The following POF1B variants were observed in gnomAD, a reference collection of about 807,000 sequenced individuals.
POF1B encodes protein POF1B.
A neutral mutation model predicts 55.3 loss-of-function variants in POF1B; 53 were observed. The observed-to-expected ratio is 0.96, with a 90% CI of 0.77 to 1.20. The LOEUF is 1.20. Among genes scored for constraint, POF1B ranks in the 50% most tolerant of loss-of-function variants. The pLI is 0.00. For missense variants in POF1B, 478 were observed against 420.5 expected (o/e 1.14, Z -1.20); for synonymous variants, 188 against 148.3 (o/e 1.27, Z -1.95).
At chrX:85,299,672 T>A (rs1360971881) in intron 15 of POF1B, among the ~76,000 whole-genome samples, 1 of 91,237 alleles carries the variant, frequency 1.1e-5, no homozygotes, top group Admixed American at 1.2e-4. Context: ...GCCTGGCTAA[T>A]TTTTTTTTTG....
At chrX:85,294,864 T>G (rs1218154765) in intron 15 of POF1B, among the ~76,000 whole-genome samples, 2 of 111,595 alleles carry the variant, frequency 1.8e-5, no homozygotes, top group Admixed American at 1.9e-4. Flanking sequence ...TTTGTTGTTG[T>G]CTTGTAGGAG....
intron 7 of POF1B, among the ~76,000 whole-genome samples, chrX:85,329,630 GT>G (rs757217839): frequency 0.01 from 942 of 93,668 alleles, 7 homozygotes; most frequent in African/African-American, 0.038. Context: ...GGTGGTGGTC[GT>G]TTTTTTTTTT....
chrX:85,377,846 G>C (rs1171005635), intron 2 of POF1B, among the ~76,000 whole-genome samples: 3 of 111,911 alleles, frequency 2.7e-5, no homozygotes, highest in African/African-American at 6.5e-5. Flanking sequence ...TCAAATTTCA[G>C]CTTTTAAATA....
At chrX:85,361,955 C>CGTGT (rs3049233) in intron 3 of POF1B, among the ~76,000 whole-genome samples, 1,020 of 94,256 alleles carry the variant, frequency 0.011, 2 homozygotes, top group African/African-American at 0.018. Context: ...CTAGGTATTT[C>CGTGT]GTGTGTGTGT....
intron 4 of POF1B, among the ~76,000 whole-genome samples, chrX:85,352,403 T>G (rs1221924516): frequency 9.0e-6 from 1 of 111,570 alleles, no homozygotes; most frequent in Non-Finnish European, 1.9e-5. Flanking sequence ...CAACAAAATG[T>G]ACTAGGATTT....
chrX:85,295,518 A>C (rs1932290401), intron 15 of POF1B, among the ~76,000 whole-genome samples: 1 of 111,622 alleles, frequency 9.0e-6, no homozygotes, highest in Admixed American at 9.5e-5. Flanking sequence ...TTTAATTTCC[A>C]TGTAATTGTG....
intron 14 of POF1B, 80 bp from the exon 15 acceptor site, chrX:85,303,568 G>T (rs192163145): frequency 5.9e-6 from 4 of 682,396 alleles, no homozygotes; most frequent in Non-Finnish European, 4.4e-6. Context: ...ATTTAGAAGG[G>T]TTACTAACAA....
chrX:85,328,085 T>G (rs369323035), intron 7 of POF1B, among the ~76,000 whole-genome samples: 1 of 111,156 alleles, frequency 9.0e-6, no homozygotes, highest in Non-Finnish European at 1.9e-5. Context: ...GGAGTATATC[T>G]CTATTCAACA....
chrX:85,309,026 A>C (rs1932638599), intron 9 of POF1B, among the ~76,000 whole-genome samples: 1 of 111,625 alleles, frequency 9.0e-6, no homozygotes, highest in African/African-American at 3.3e-5. Flanking sequence ...GATTATTCTT[A>C]TTTCTTTAAA....
chrX:85,299,702 G>T (rs1202230202), intron 15 of POF1B, among the ~76,000 whole-genome samples: 5 of 107,265 alleles, frequency 4.7e-5, no homozygotes, highest in African/African-American at 1.7e-4. Flanking sequence ...TAGAGACGGG[G>T]TTTCACCATG....
At chrX:85,345,436 T>C (rs1933250774) in intron 6 of POF1B, among the ~76,000 whole-genome samples, 1 of 111,526 alleles carries the variant, frequency 9.0e-6, no homozygotes, top group African/African-American at 3.3e-5. Context: ...ACAGAAAATA[T>C]GTATATATTC....
chrX:85,344,507 G>A (rs1349578812), intron 6 of POF1B, among the ~76,000 whole-genome samples: 1 of 110,695 alleles, frequency 9.0e-6, no homozygotes, highest in Non-Finnish European at 1.9e-5. Flanking sequence ...TTATGTGCCT[G>A]CCACTTTCCC....
In POF1B at chrX:85,304,434, C is replaced by A. The variant is rs929247482; in HGVS notation, c.1475G>T (p.Arg492Ile). 8.5e-7 allele frequency: 1 copy of A among 1,181,540 alleles called. No individual in the cohort carries two copies. Among genetic ancestry groups the A allele is most frequent in the Non-Finnish European group, 1.1e-6 (1 of 876,731 alleles). Residue 492 changes from arginine to isoleucine, a missense_variant, in exon 14 of 17, where the codon AGA becomes ATA. Arg to Ile is a moderately conservative substitution (Grantham distance 97, BLOSUM62 -3). Transcript: ENST00000262753. ...LNQYHKDVSKREGSCSDFQFK... is the reference protein window; with the variant it reads ...LNQYHKDVSKIEGSCSDFQFK... ...TTGGAAGTCACTACAACTTCCTTCT[C>A]TCTTTGAAACATCTTTATGGTACTG...
intron 6 of POF1B, among the ~76,000 whole-genome samples, chrX:85,336,001 C>T (rs1055771624): frequency 4.5e-5 from 5 of 109,986 alleles, no homozygotes; most frequent in Admixed American, 3.9e-4. Context: ...CTCTCACCCC[C>T]GCCCCACTAA....
rs1294817848 is a variant in POF1B at position 85,300,418 on chromosome X, CCT to C, written c.1649+2986_1649+2987del. ...TACTAGTTTCATGTTTGTAACGAAA[CCT>C]CTGTTTAAATGTTAACTGACCACTA... On this transcript the variant is annotated intron_variant, in intron 15 of 16. Transcript: ENST00000262753. 2.7e-5 allele frequency among the ~76,000 whole-genome samples: 3 copies of C among 111,958 alleles called. No homozygotes were observed. The Admixed American group carries it at 2.8e-4, about 11-fold the overall frequency.
At position 85,305,774 on chromosome X, in the gene POF1B, A is replaced by G. The variant is rs750442197; in HGVS notation, c.1437+17T>C. Reference sequence around the variant, plus strand: ...TTGTGCTGACCTGTGTATTTATGCAATGTAGGATCAACATACCCTCAGTCT... The same window carrying G: ...TTGTGCTGACCTGTGTATTTATGCAGTGTAGGATCAACATACCCTCAGTCT... On this transcript the variant is annotated intron_variant, in intron 13 of 16. Coordinates refer to ENST00000262753, the MANE Select transcript of POF1B (RefSeq NM_024921.4). 2.2e-5 allele frequency: 27 copies of G among 1,203,133 alleles called. No homozygotes were observed. In the African/African-American group the frequency reaches 4.6e-4, roughly 20 times the overall value.
chrX:85,289,954 T>A (rs763692477), intron 15 of POF1B, among the ~76,000 whole-genome samples: 1 of 111,780 alleles, frequency 8.9e-6, no homozygotes, highest in African/African-American at 3.2e-5. Flanking sequence ...ATAATTTTTG[T>A]ATTTTATTTA....
At chrX:85,358,050 C>T (rs777972022) in intron 4 of POF1B, among the ~76,000 whole-genome samples, 14 of 111,279 alleles carry the variant, frequency 1.3e-4, no homozygotes, top group Non-Finnish European at 2.1e-4. Context: ...AGTAAGTCAT[C>T]GAATCTTGTT....
intron 15 of POF1B, among the ~76,000 whole-genome samples, chrX:85,297,590 T>A (rs1035247269): frequency 8.9e-6 from 1 of 111,849 alleles, no homozygotes; most frequent in African/African-American, 3.3e-5. Context: ...TGGGCAGTGA[T>A]CGAGTAGATG....
Sources: gnomAD v4.1 joint callset for allele counts (sites outside exome capture counted in the v4.1 genomes callset) on GRCh38, gnomAD v4.1.1 for gene constraint, MANE v1.5 for transcripts, NCBI Gene and HGNC (gene_info 2026-07-23, HGNC 2026-07-21) for gene names.